Variants in GSG1L observed in about 807,000 individuals in gnomAD.
GSG1L encodes the protein GSG1 like, also known as germ cell-specific gene 1-like protein.
In GSG1L, 24 loss-of-function variants were observed where a neutral mutation model predicts 42.1. The ratio of observed to expected loss-of-function variants is 0.57; its 90% CI spans 0.41 to 0.80. GSG1L has a LOEUF of 0.80. GSG1L is among the 30% of genes least tolerant of loss of function. GSG1L has a pLI of 0.00. For missense variants in GSG1L, 445 were observed against 472.2 expected (o/e 0.94, Z 0.53); for synonymous variants, 215 against 203.5 (o/e 1.06, Z -0.48).
chr16:27,884,055 C>T lies in GSG1L; in HGVS notation c.550+431G>A, dbSNP rs148484054. On this transcript the variant is annotated intron_variant, in intron 3 of 6. Coordinates refer to ENST00000447459, the MANE Select transcript of GSG1L (RefSeq NM_001109763.2). The surrounding 1 kb of genome is among the most constrained non-coding windows in gnomAD (Gnocchi z 4.4). ...AGCCAGATGAGCTCAGGAAGAGGAG[C>T]GACGTGCCCTCCACCCCAAAGTGGC... Among the ~76,000 whole-genome samples the T allele has an allele frequency of 7.7e-3, 1,175 of 152,312 alleles. 9 individuals carry two copies. Among genetic ancestry groups the T allele is most frequent in the Non-Finnish European group, 0.012 (828 of 68,040 alleles).
chr16:27,908,236 G>GC (rs1477906399), intron 2 of GSG1L, among the ~76,000 whole-genome samples: 1 of 152,202 alleles, frequency 6.6e-6, no homozygotes, highest in Non-Finnish European at 1.5e-5. Flanking sequence ...GCTGAGGCTG[G>GC]CCTAGGTCAG....
chr16:28,037,592 C>T (rs2086055237), intron 1 of GSG1L, among the ~76,000 whole-genome samples: 1 of 152,198 alleles, frequency 6.6e-6, no homozygotes, highest in South Asian at 2.1e-4. Context: ...AGGTCATGCT[C>T]TGGTTTGGGG....
In GSG1L at chr16:28,001,290, G is replaced by A. The variant is rs116609216; in HGVS notation, c.350-38087C>T. On this transcript the variant is annotated intron_variant, in intron 1 of 6. Coordinates refer to ENST00000447459, the MANE Select transcript of GSG1L (RefSeq NM_001109763.2). ...GAAAGGGAGGAGAGGTACAGCCAAC[G>A]CCAGCCTGGGTCTTTCAACCCCAGG... is the stretch of plus-strand genomic sequence containing the variant. Among the ~76,000 whole-genome samples the A allele has an allele frequency of 9.4e-3, 1,427 of 152,154 alleles. 23 individuals carry two copies. The highest frequency in any genetic ancestry group is 0.033 in the African/African-American group (1,377 of 41,494).
intron 1 of GSG1L, among the ~76,000 whole-genome samples, chr16:28,061,250 G>A (rs970261544): frequency 1.3e-5 from 2 of 152,222 alleles, no homozygotes; most frequent in African/African-American, 4.8e-5. Context: ...GCCTCCGTGT[G>A]AGAGATTAGG....
At chr16:28,019,634 G>C (rs896638752) in intron 1 of GSG1L, among the ~76,000 whole-genome samples, 8 of 152,108 alleles carry the variant, frequency 5.3e-5, no homozygotes, top group African/African-American at 1.9e-4. Context: ...CCCTCTCTTG[G>C]GGTCTGGATC....
chr16:27,835,569 TTTTTG>T (rs1338694499), intron 4 of GSG1L, among the ~76,000 whole-genome samples: 1 of 152,086 alleles, frequency 6.6e-6, no homozygotes, highest in Non-Finnish European at 1.5e-5. Flanking sequence ...GTTCCTCTGT[TTTTTG>T]TTTCTCTTTT....
chr16:27,813,676 GCA>G (rs2083059442), intron 5 of GSG1L, among the ~76,000 whole-genome samples: 2 of 152,236 alleles, frequency 1.3e-5, no homozygotes, highest in African/African-American at 4.8e-5. Context: ...CACGGGATCT[GCA>G]GAATCTGCAG....
intron 3 of GSG1L, among the ~76,000 whole-genome samples, chr16:27,875,320 G>A (rs749047546): frequency 1.3e-5 from 2 of 152,150 alleles, no homozygotes; most frequent in Non-Finnish European, 2.9e-5. Flanking sequence ...ATGAGGGACT[G>A]AGCCCCAGTG....
chr16:27,944,911 C>T (rs1440532574), intron 2 of GSG1L, among the ~76,000 whole-genome samples: 2 of 151,478 alleles, frequency 1.3e-5, no homozygotes, highest in African/African-American at 4.9e-5. Flanking sequence ...CTCATCTCTA[C>T]AAAAAATAAA....
At chr16:28,031,156 T>C (rs1393808963) in intron 1 of GSG1L, among the ~76,000 whole-genome samples, 1 of 138,150 alleles carries the variant, frequency 7.2e-6, no homozygotes. Context: ...TGGGATGGGA[T>C]GGGTTGAGAT....
At position 27,888,440 on chromosome 16, in the gene GSG1L, CTTTCTTTCTTTCTT is replaced by C. The variant is rs1567505601; in HGVS notation, c.398-3816_398-3803del. 1.5e-3 allele frequency among the ~76,000 whole-genome samples: 35 copies of C among 23,876 alleles called. 1 individual carries two copies. The highest frequency in any genetic ancestry group is 4.5e-3 in the Non-Finnish European group (34 of 7,624). The allele number at this position is 23,876 out of a possible 152,430, so 15.7% of individuals were successfully genotyped here. Reference sequence around the variant, plus strand: ...TCTTTCTTTCTTTCTTTCTTTCTTTCTTTCTTTCTTTCTTTCTTTCTTTCTCTCTCTCTCTCTCT... The same window carrying C: ...TCTTTCTTTCTTTCTTTCTTTCTTTCTCTTTCTTTCTCTCTCTCTCTCTCT... On this transcript the variant is annotated intron_variant, in intron 2 of 6. Coordinates refer to ENST00000447459, the MANE Select transcript of GSG1L (RefSeq NM_001109763.2).
At chr16:27,805,808 C>T (rs938136634) in intron 6 of GSG1L, among the ~76,000 whole-genome samples, 1 of 150,910 alleles carries the variant, frequency 6.6e-6, no homozygotes, top group Non-Finnish European at 1.5e-5. Flanking sequence ...GGGGTTTTGC[C>T]ATTTCCTCTG....
At position 28,054,207 on chromosome 16, in the gene GSG1L, C is replaced by T. The variant is rs868257293; in HGVS notation, c.349+8869G>A. On this transcript the variant is annotated intron_variant, in intron 1 of 6. Coordinates refer to ENST00000447459, the MANE Select transcript of GSG1L (RefSeq NM_001109763.2). ...GGCCACTGTCCTCGCCAAGCTCCAG[C>T]CCAAATACCCACCCCAGCTCTGCTT... Among the ~76,000 whole-genome samples, 12 of 152,304 alleles carry T rather than the reference C, an allele frequency of 7.9e-5. No homozygotes were observed. In the Middle Eastern group the frequency reaches 0.01, roughly 130 times the overall value.
rs2086372563 is a variant in GSG1L at position 28,063,598 on chromosome 16, G to A, written c.-174C>T. ...TGCCCCCCCCAACCCCGGGGTGGGG[G>A]CGCGGCGCGGGGGGCGTGCGGGGCG... On this transcript the variant is annotated 5_prime_UTR_variant, in exon 1 of 7. Coordinates refer to ENST00000447459, the MANE Select transcript of GSG1L (RefSeq NM_001109763.2). The surrounding 1 kb of genome is among the most constrained non-coding windows in gnomAD (Gnocchi z 5.8). 1 of 171,928 alleles carries A rather than the reference G, an allele frequency of 5.8e-6. No individual in the cohort carries two copies. Among genetic ancestry groups the A allele is most frequent in the Admixed American group, 6.7e-5 (1 of 14,868 alleles). The allele number at this position is 171,928 out of a possible 1,614,324, so 10.7% of individuals were successfully genotyped here. A position where few individuals can be genotyped will look rare whatever the true frequency, so the allele number is the denominator to read the frequency against.
chr16:27,833,080 G>C (rs959744675), intron 4 of GSG1L, among the ~76,000 whole-genome samples: 1 of 152,124 alleles, frequency 6.6e-6, no homozygotes, highest in Non-Finnish European at 1.5e-5. Flanking sequence ...AAGTTTTACA[G>C]TTTTACATTT....
intron 6 of GSG1L, among the ~76,000 whole-genome samples, chr16:27,803,812 T>C (rs1302578896): frequency 6.8e-6 from 1 of 147,494 alleles, no homozygotes; most frequent in African/African-American, 2.5e-5. Context: ...TAGATATAGA[T>C]ATAGATATAG....
rs1279335066 is a variant in GSG1L at position 27,888,446 on chromosome 16, TTCTTTCTTTCTTTCTTTCTC to T, written c.398-3828_398-3809del. ...TTTCTTTCTTTCTTTCTTTCTTTCT[TTCTTTCTTTCTTTCTTTCTC>T]TCTCTCTCTCTCTTTCCTTTCTTTC... On this transcript the variant is annotated intron_variant, in intron 2 of 6. Transcript: ENST00000447459. Among the ~76,000 whole-genome samples the T allele has an allele frequency of 1.0e-3, 36 of 35,476 alleles. 3 individuals carry two copies. Among genetic ancestry groups the T allele is most frequent in the East Asian group, 7.8e-3 (10 of 1,278 alleles). The allele number at this position is 35,476 out of a possible 152,430, so 23.3% of individuals were successfully genotyped here.
chr16:27,902,796 C>T (rs979655488), intron 2 of GSG1L, among the ~76,000 whole-genome samples: 4 of 152,272 alleles, frequency 2.6e-5, no homozygotes, highest in Middle Eastern at 3.4e-3. Flanking sequence ...ACGATGTCCG[C>T]CTTAAGGGCT....
intron 2 of GSG1L, among the ~76,000 whole-genome samples, chr16:27,911,425 G>A (rs1243874161): frequency 6.6e-6 from 1 of 152,116 alleles, no homozygotes; most frequent in African/African-American, 2.4e-5. Flanking sequence ...CAAATAGCTG[G>A]GATTACAGGC....
Sources: allele counts gnomAD v4.1 joint callset (sites outside exome capture counted in the v4.1 genomes callset), GRCh38; gene constraint gnomAD v4.1.1; non-coding constraint Gnocchi (gnomAD v3.1); transcripts MANE v1.5; gene names NCBI Gene and HGNC (gene_info 2026-07-23, HGNC 2026-07-21).